The following SLC4A10 variants were observed in gnomAD, a reference collection of about 807,000 sequenced individuals.
The protein encoded by SLC4A10 is solute carrier family 4 member 10.
In SLC4A10, 42 loss-of-function variants were observed where a neutral mutation model predicts 137.7. The observed-to-expected ratio is 0.30, with a 90% CI of 0.24 to 0.39. The LOEUF (loss-of-function observed/expected upper bound fraction) is 0.39. Among genes scored for constraint, SLC4A10 ranks in the 10% least tolerant of loss-of-function variants. The pLI is 1.00. For synonymous variants in SLC4A10, 474 were observed against 464.1 expected (o/e 1.02, Z -0.27); for missense variants, 925 against 1,355.0 (o/e 0.68, Z 4.98).
At chr2:161,793,821 G>T (rs1171229234) in intron 2 of SLC4A10, among the ~76,000 whole-genome samples, 1 of 151,950 alleles carries the variant, frequency 6.6e-6, no homozygotes, top group East Asian at 1.9e-4. Flanking sequence ...TGAAAATATG[G>T]CAGCCTTATT....
chr2:161,769,971 A>G (rs549690439), intron 1 of SLC4A10, among the ~76,000 whole-genome samples: 1 of 152,066 alleles, frequency 6.6e-6, no homozygotes, highest in East Asian at 1.9e-4. Flanking sequence ...ATGTTTTTAC[A>G]TTTTAAATTT....
At chr2:161,713,474 C>A (rs764496602) in intron 1 of SLC4A10, among the ~76,000 whole-genome samples, 3 of 151,672 alleles carry the variant, frequency 2.0e-5, no homozygotes, top group Non-Finnish European at 3.0e-5. Context: ...GAGCATTTCT[C>A]AGTCTATCCA....
chr2:161,756,883 T>C (rs1311500964), intron 1 of SLC4A10, among the ~76,000 whole-genome samples: 1 of 152,172 alleles, frequency 6.6e-6, no homozygotes, highest in East Asian at 1.9e-4. Flanking sequence ...TGAAAGATTA[T>C]AAGATTTCAG....
chr2:161,974,295 T>C lies in SLC4A10; in HGVS notation c.3206T>C (p.Leu1069Pro). 1 of 1,607,342 alleles carries C rather than the reference T, an allele frequency of 6.2e-7. No individual in the cohort carries two copies. Among genetic ancestry groups the C allele is most frequent in the Non-Finnish European group, 8.5e-7 (1 of 1,177,168 alleles). Residue 1069 changes from leucine to proline, a missense_variant, in exon 24 of 27, where the codon CTC (leucine) becomes CCC (proline). Physicochemically the swap from Leu to Pro is moderately conservative, Grantham distance 98. Around this residue, in one of 11 missense-constraint regions of SLC4A10, gnomAD observed 84 missense variants for 76.9 expected, o/e 1.09. Coordinates refer to ENST00000446997, the MANE Select transcript of SLC4A10 (RefSeq NM_001178015.2). The stretch of plus-strand genomic sequence containing the variant: ...ATGGAAGATGAGGGCACAGTACAAC[T>C]CCCATTGGAAGGGCACTATAGGTAA... The part of the protein sequence containing the change: ...LAMEDEGTVQ[L>P]PLEGHYRDDP...
chr2:161,936,266 G>T (rs1691563073), intron 15 of SLC4A10, among the ~76,000 whole-genome samples: 1 of 152,086 alleles, frequency 6.6e-6, no homozygotes, highest in Non-Finnish European at 1.5e-5. Flanking sequence ...TTCTTGTCTG[G>T]CTTTGGTATC....
chr2:161,938,042 G>A (rs1326738694), intron 15 of SLC4A10, among the ~76,000 whole-genome samples: 1 of 152,140 alleles, frequency 6.6e-6, no homozygotes, highest in African/African-American at 2.4e-5. Context: ...GGAGGCTGAA[G>A]CAGGCAGATT....
At chr2:161,706,459 A>G (rs1404805840) in intron 1 of SLC4A10, among the ~76,000 whole-genome samples, 1 of 151,510 alleles carries the variant, frequency 6.6e-6, no homozygotes, top group Non-Finnish European at 1.5e-5. Flanking sequence ...TAAGATGTGT[A>G]TCTGGATCTA....
At chr2:161,939,371 G>A (rs1416099206) in intron 15 of SLC4A10, among the ~76,000 whole-genome samples, 1 of 152,100 alleles carries the variant, frequency 6.6e-6, no homozygotes, top group Non-Finnish European at 1.5e-5. Context: ...CACTGCACCT[G>A]TCCAGATTTA....
chr2:161,785,985 C>A (rs554543827), intron 2 of SLC4A10, among the ~76,000 whole-genome samples: 25 of 152,008 alleles, frequency 1.6e-4, no homozygotes, highest in African/African-American at 6.0e-4. Flanking sequence ...TAGTTTTCTG[C>A]TTTAATGATC....
intron 1 of SLC4A10, among the ~76,000 whole-genome samples, chr2:161,732,354 A>C (rs899256310): frequency 6.6e-6 from 1 of 152,190 alleles, no homozygotes; most frequent in East Asian, 1.9e-4. Context: ...TTAGCATACA[A>C]AAAGATTCCC....
intron 3 of SLC4A10, among the ~76,000 whole-genome samples, chr2:161,828,808 A>ATATGTGTG (rs1221709021): frequency 2.4e-5 from 3 of 122,526 alleles, no homozygotes; most frequent in African/African-American, 9.3e-5. Flanking sequence ...ATATATATAT[A>ATATGTGTG]TGTATAATCT....
intron 2 of SLC4A10, among the ~76,000 whole-genome samples, chr2:161,790,980 A>G (rs1241266881): frequency 1.3e-5 from 2 of 152,200 alleles, no homozygotes; most frequent in African/African-American, 4.8e-5. Context: ...GATGCTGGTG[A>G]GGTTGTGGAG....
At chr2:161,891,106 A>G (rs565677164) in intron 10 of SLC4A10, among the ~76,000 whole-genome samples, 1 of 152,294 alleles carries the variant, frequency 6.6e-6, no homozygotes, top group African/African-American at 2.4e-5. Context: ...TTTCTTTAAG[A>G]ATGTTGAATA....
At chr2:161,758,986 CA>C (rs1157268691) in intron 1 of SLC4A10, among the ~76,000 whole-genome samples, 7 of 151,948 alleles carry the variant, frequency 4.6e-5, no homozygotes, top group African/African-American at 1.7e-4. Context: ...AAGGATCTAA[CA>C]ATCATAAATT....
chr2:161,948,853 G>A (rs547883469), intron 17 of SLC4A10, among the ~76,000 whole-genome samples: 1 of 151,924 alleles, frequency 6.6e-6, no homozygotes, highest in Non-Finnish European at 1.5e-5. Flanking sequence ...CACATGCATG[G>A]GTTCATCATA....
chr2:161,859,597 T>G (rs1411870395), intron 5 of SLC4A10, among the ~76,000 whole-genome samples: 1 of 105,042 alleles, frequency 9.5e-6, no homozygotes, highest in Admixed American at 9.0e-5. Context: ...TTCTTTTCTT[T>G]TTTTTTTTTT....
At chr2:161,788,306 T>A (rs1008106488) in intron 2 of SLC4A10, among the ~76,000 whole-genome samples, 22 of 152,286 alleles carry the variant, frequency 1.4e-4, no homozygotes, top group African/African-American at 5.3e-4. Context: ...AGTAAACTTA[T>A]CTTGTACACT....
intron 16 of SLC4A10, among the ~76,000 whole-genome samples, chr2:161,944,900 ATTTTGT>A (rs1693455808): frequency 6.6e-6 from 1 of 151,372 alleles, no homozygotes; most frequent in Non-Finnish European, 1.5e-5. Flanking sequence ...ATCACAACTA[ATTTTGT>A]TAAAATAGTG....
chr2:161,950,563 T>C (rs12614520), intron 18 of SLC4A10, 124 bp from the exon 19 acceptor site: 12,015 of 760,238 alleles, frequency 0.016, 211 homozygotes, highest in East Asian at 0.083. Context: ...TATTATTATT[T>C]ATTATAGGCC....
Sources: allele counts gnomAD v4.1 joint callset (sites outside exome capture counted in the v4.1 genomes callset), GRCh38; gene constraint gnomAD v4.1.1; regional missense constraint gnomAD v4.1.1; transcripts MANE v1.5; gene names NCBI Gene and HGNC (gene_info 2026-07-23, HGNC 2026-07-21).